AKAP9: variants seen among roughly 807,000 people sequenced by gnomAD.
The protein encoded by AKAP9 is A-kinase anchor protein 9.
A neutral mutation model predicts 488.5 loss-of-function variants in AKAP9; 311 were observed. The ratio of observed to expected loss-of-function variants is 0.64; its 90% CI spans 0.58 to 0.70. The LOEUF (loss-of-function observed/expected upper bound fraction) is 0.70. Among genes scored for constraint, AKAP9 ranks in the 30% least tolerant of loss-of-function variants. The probability of loss-of-function intolerance (pLI) is 0.00; values close to 1 mark genes in which losing one functional copy is unlikely to be tolerated. For synonymous variants in AKAP9, 1,462 were observed against 1,483.5 expected (o/e 0.99, Z 0.33); for missense variants, 4,215 against 4,374.5 (o/e 0.96, Z 1.03).
chr7:92,019,716 A>C (rs1802047837), intron 12 of AKAP9, among the ~76,000 whole-genome samples: 1 of 151,760 alleles, frequency 6.6e-6, no homozygotes, highest in South Asian at 2.1e-4. Context: ...TGTTTAGAAG[A>C]GAAATGTAAG....
Position 92,045,026 on chromosome 7 carries a change from T to A in AKAP9, c.5181T>A (p.Ala1727=), listed in dbSNP as rs1806732907. 6.2e-7 allele frequency: 1 copy of A among 1,612,496 alleles called. No individual in the cohort carries two copies. Among genetic ancestry groups the A allele is most frequent in the Admixed American group, 1.7e-5 (1 of 59,978 alleles). ...TATACAGGTATGCACTCCAGAAAGC[T>A]AATAATAGACTTTTGAAGATCCTCT... ...LSNERYALQK[A]NNRLLKILLE... The change falls in exon 21 of 50, where the codon GCT becomes GCA. Residue 1727 remains alanine, a synonymous_variant. Coordinates refer to ENST00000356239, the MANE Select transcript of AKAP9 (RefSeq NM_005751.5).
intron 7 of AKAP9, among the ~76,000 whole-genome samples, chr7:91,998,888 AAAT>A (rs1297421668): frequency 5.3e-5 from 8 of 152,168 alleles, no homozygotes; most frequent in African/African-American, 1.7e-4. Flanking sequence ...GAGATAGAGG[AAAT>A]AATAATATTT....
At position 92,023,003 on chromosome 7, in the gene AKAP9, C is replaced by T. The variant is rs148726562; in HGVS notation, c.4142C>T (p.Pro1381Leu). 20 of 1,613,332 alleles carry T rather than the reference C, an allele frequency of 1.2e-5. No homozygotes were observed. Among genetic ancestry groups the T allele is most frequent in the Admixed American group, 3.3e-5 (2 of 59,994 alleles). ...CAAGCTGTTAGTGAGTCCACGGTTC[C>T]GCCAAGGTATTCATCTGCTTATAGC... is the stretch of plus-strand genomic sequence containing the variant. Reference protein sequence around the residue: ...RLQAVSESTVPPSLPVDSVVI... With the variant: ...RLQAVSESTVLPSLPVDSVVI... Residue 1381 changes from proline (P) to leucine (L), a missense_variant, in exon 14 of 50, where the codon CCG (proline) becomes CTG (leucine). This residue lies in a region of AKAP9 where 2,361 missense variants were observed against 2,430.0 expected (regional missense o/e 0.97). Transcript: ENST00000356239.
At chr7:92,052,986 C>A in intron 22 of AKAP9, 28 bp downstream of exon 22, 1 of 1,552,864 alleles carries the variant, frequency 6.4e-7, no homozygotes, top group Non-Finnish European at 8.9e-7. Flanking sequence ...CTAATATGTA[C>A]TGAGTTTGAA....
rs2130868655 is a variant in AKAP9, at chr7:92,082,633, A to G, written c.8131A>G (p.Lys2711Glu). ...TKAELASYKE[K>E]AEKLQEELLV... ...AGCAGAACTTGCCAGTTATAAAGAAAAGGCTGAAAAACTTCAAGAAGAGCT... is the reference window on the plus strand; with the variant it reads ...AGCAGAACTTGCCAGTTATAAAGAAGAGGCTGAAAAACTTCAAGAAGAGCT... Residue 2711 changes from lysine (K) to glutamate (E), a missense_variant, in exon 32 of 50, where the codon AAG (lysine) becomes GAG (glutamate). Around this residue, in one of 5 missense-constraint regions of AKAP9, gnomAD observed 1,476 missense variants for 1,477.4 expected, o/e 1.00. Transcript: ENST00000356239. 6.2e-7 allele frequency: 1 copy of G among 1,614,066 alleles called. No homozygotes were observed. Among genetic ancestry groups the G allele is most frequent in the Non-Finnish European group, 8.5e-7 (1 of 1,179,964 alleles).
chr7:91,970,208 T>C (rs954782835), intron 1 of AKAP9, among the ~76,000 whole-genome samples: 1 of 152,168 alleles, frequency 6.6e-6, no homozygotes, highest in Non-Finnish European at 1.5e-5. Flanking sequence ...AAACCCTCTA[T>C]ACTCTAACTC....
intron 14 of AKAP9, among the ~76,000 whole-genome samples, chr7:92,025,882 A>C (rs1310722587): frequency 1.3e-5 from 2 of 152,226 alleles, no homozygotes; most frequent in African/African-American, 4.8e-5. Context: ...GTAATCACTG[A>C]AATAATAATT....
intron 33 of AKAP9, among the ~76,000 whole-genome samples, 184 bp from the exon 34 acceptor site, chr7:92,084,456 C>G (rs1382020084): frequency 6.6e-6 from 1 of 150,984 alleles, no homozygotes; most frequent in East Asian, 1.9e-4. Context: ...ATGAGTATCT[C>G]TTCTTATGGT....
chr7:92,062,670 T>C (rs1810083938), intron 24 of AKAP9, among the ~76,000 whole-genome samples, 184 bp downstream of exon 24: 1 of 149,810 alleles, frequency 6.7e-6, no homozygotes, highest in Non-Finnish European at 1.5e-5. Context: ...TGGAATCAGG[T>C]TTTTTTTTTC....
Position 92,001,184 on chromosome 7 carries a change from G to A in AKAP9, c.1267G>A (p.Glu423Lys). ...QFETDIVQRM[E>K]QETQRKLEQL... The stretch of plus-strand genomic sequence containing the variant: ...CGAAACTGATATAGTACAACGAATG[G>A]AACAAGAAACACAAAGAAAGTTAGA... Residue 423 changes from glutamate to lysine, a missense_variant, in exon 8 of 50, where the codon GAA becomes AAA. Glu to Lys is a moderately conservative substitution (Grantham distance 56). Around this residue, in one of 5 missense-constraint regions of AKAP9, gnomAD observed 2,361 missense variants for 2,430.0 expected, o/e 0.97. Transcript: ENST00000356239. The A allele has an allele frequency of 6.2e-7, 1 of 1,613,968 alleles. No individual in the cohort carries two copies. Among genetic ancestry groups the A allele is most frequent in the Non-Finnish European group, 8.5e-7 (1 of 1,179,938 alleles).
intron 1 of AKAP9, among the ~76,000 whole-genome samples, chr7:91,960,095 G>A (rs1452547883): frequency 6.6e-6 from 1 of 152,036 alleles, no homozygotes; most frequent in Non-Finnish European, 1.5e-5. Context: ...GCATTGACAA[G>A]TATATATAGT....
rs1802442442 is a variant in AKAP9 at position 92,022,371 on chromosome 7, C to T, written c.3952+19C>T. ...GACATTGGTAAATTTTGATCATATA[C>T]CACAATGTGGTGTTTTTATAGCAAA... On this transcript the variant is annotated intron_variant, in intron 13 of 49. Transcript: ENST00000356239. The T allele has an allele frequency of 2.0e-6, 3 of 1,500,328 alleles. No individual in the cohort carries two copies. Among genetic ancestry groups the T allele is most frequent in the Non-Finnish European group, 2.8e-6 (3 of 1,076,836 alleles). The allele number at this position is 1,500,328 out of a possible 1,614,324, so 92.9% of individuals were successfully genotyped here. A position where few individuals can be genotyped will look rare whatever the true frequency, so the allele number is the denominator to read the frequency against.
chr7:92,062,187 A>C, intron 23 of AKAP9, 87 bp from the exon 24 acceptor site: 1 of 1,213,814 alleles, frequency 8.2e-7, no homozygotes, highest in East Asian at 2.4e-5. Context: ...TTTTGCTAAC[A>C]GTATACCTTT....
In AKAP9 at chr7:92,080,053, AAAG is replaced by A. The variant is rs786205262; in HGVS notation, c.7924_7926del (p.Lys2642del). 21 of 1,565,530 alleles carry A rather than the reference AAAG, an allele frequency of 1.3e-5. No individual in the cohort carries two copies. The highest frequency in any genetic ancestry group is 4.5e-5 in the East Asian group (2 of 44,556). On this transcript the variant is annotated inframe_deletion, in exon 31 of 50. Transcript: ENST00000356239. ...CAGAAAAAAATGTTTTAGAAAAAGA[AAAG>A]AAGCTGCTAGAACTACAGAAGCTAT...
intron 31 of AKAP9, 49 bp downstream of exon 31, chr7:92,080,201 G>A: frequency 7.4e-7 from 1 of 1,353,488 alleles, no homozygotes; most frequent in Non-Finnish European, 1.0e-6. Flanking sequence ...AAGAAACTAA[G>A]CTGATTGCTA....
At chr7:92,105,862 G>T in intron 47 of AKAP9, 99 bp downstream of exon 47, 6 of 1,067,474 alleles carry the variant, frequency 5.6e-6, no homozygotes, top group Non-Finnish European at 8.6e-6. Flanking sequence ...GGCCTGTTAG[G>T]AACCAGGCCG....
intron 1 of AKAP9, chr7:91,970,590 G>A: frequency 2.3e-6 from 1 of 432,552 alleles, no homozygotes; most frequent in Non-Finnish European, 4.6e-6. Flanking sequence ...GGATAGCTTT[G>A]CTGGATACAG....
At chr7:92,075,297 T>C (rs369008573) in intron 28 of AKAP9, among the ~76,000 whole-genome samples, 38 of 152,214 alleles carry the variant, frequency 2.5e-4, no homozygotes, top group African/African-American at 8.4e-4. Flanking sequence ...TAAATAACTA[T>C]TTATGTGTTG....
At position 92,001,982 on chromosome 7, in the gene AKAP9, A is replaced by T; in HGVS notation, c.2065A>T (p.Ile689Leu). 6.2e-7 allele frequency: 1 copy of T among 1,612,912 alleles called. No homozygotes were observed. The highest frequency in any genetic ancestry group is 8.5e-7 in the Non-Finnish European group (1 of 1,179,612). ...ETMQFEKDNLITKQNQLILEI... is the reference protein window; with the variant it reads ...ETMQFEKDNLLTKQNQLILEI... ...CATGCAGTTTGAAAAGGACAATTTG[A>T]TAACTAAGCAGAATCAATTAATTTT... The change falls in exon 8 of 50, where the codon ATA becomes TTA. Residue 689 changes from isoleucine to leucine, a missense_variant. This residue lies in a region of AKAP9 where 2,361 missense variants were observed against 2,430.0 expected (regional missense o/e 0.97). Transcript: ENST00000356239.
Sources: gnomAD v4.1 joint callset for allele counts (sites outside exome capture counted in the v4.1 genomes callset) on GRCh38, gnomAD v4.1.1 for gene constraint, gnomAD v4.1.1 regional missense constraint, MANE v1.5 for transcripts, NCBI Gene and HGNC (gene_info 2026-07-23, HGNC 2026-07-21) for gene names.